Variants in GALNS observed in about 807,000 individuals in gnomAD.
The protein encoded by GALNS is N-acetylgalactosamine-6-sulfatase.
GALNS carries 65 observed loss-of-function variants against 65.9 expected under a neutral mutation model. The ratio of observed to expected loss-of-function variants is 0.99; its 90% CI spans 0.81 to 1.21. GALNS has a LOEUF of 1.21. GALNS is among the 50% of genes most tolerant of loss of function. GALNS has a pLI of 0.00. For missense variants in GALNS, 776 were observed against 700.7 expected, an observed-to-expected ratio of 1.11 and a Z score of -1.21; for synonymous variants, 346 against 288.9, an observed-to-expected ratio of 1.20 and a Z score of -2.00.
intron 1 of GALNS, chr16:88,856,471 C>G: frequency 1.4e-6 from 1 of 700,226 alleles, no homozygotes; most frequent in East Asian, 2.7e-5. Context: ...GGACGCTGTC[C>G]CGGTCATGCA....
intron 12 of GALNS, among the ~76,000 whole-genome samples, chr16:88,822,290 C>T (rs1477955545): frequency 1.3e-5 from 2 of 152,158 alleles, no homozygotes; most frequent in Non-Finnish European, 2.9e-5. Flanking sequence ...GGGCCTGGAC[C>T]CCTCCCCTCT....
intron 13 of GALNS, 114 bp downstream of exon 13, chr16:88,817,893 G>A: frequency 1.1e-6 from 1 of 916,554 alleles, no homozygotes; most frequent in Non-Finnish European, 1.7e-6. Context: ...ACCACTGACG[G>A]AGGCGGGGAA....
intron 1 of GALNS, chr16:88,855,286 A>C (rs1967751027): frequency 1.4e-6 from 1 of 700,226 alleles, no homozygotes; most frequent in Non-Finnish European, 2.6e-6. Flanking sequence ...CTTCACCTGC[A>C]GAGCCCAGCT....
intron 1 of GALNS, chr16:88,856,312 G>C: frequency 1.4e-6 from 1 of 702,778 alleles, no homozygotes; most frequent in Non-Finnish European, 2.6e-6. Context: ...CTAGGGCGAC[G>C]CAGCTCTCAG....
intron 8 of GALNS, among the ~76,000 whole-genome samples, chr16:88,834,058 C>T (rs1411137984): frequency 6.6e-6 from 1 of 152,084 alleles, no homozygotes; most frequent in Non-Finnish European, 1.5e-5. Flanking sequence ...TGCCTGTAGC[C>T]CTCCACACAT....
intron 13 of GALNS, among the ~76,000 whole-genome samples, chr16:88,814,793 G>A (rs2142968761): frequency 1.3e-5 from 2 of 152,348 alleles, no homozygotes; most frequent in South Asian, 4.1e-4. Flanking sequence ...TAGAGACGGA[G>A]TTTCACCATC....
At chr16:88,850,955 C>T (rs898034017) in intron 1 of GALNS, among the ~76,000 whole-genome samples, 1 of 152,210 alleles carries the variant, frequency 6.6e-6, no homozygotes, top group African/African-American at 2.4e-5. Context: ...TCCCAGACGC[C>T]AGCCGAGGGC....
At chr16:88,842,995 C>A (rs767134843) in intron 1 of GALNS, 166 bp from the exon 2 acceptor site, 3 of 1,508,102 alleles carry the variant, frequency 2.0e-6, no homozygotes, top group African/African-American at 1.4e-5. Flanking sequence ...CGCCTGCGTG[C>A]GTGCACGATG....
At chr16:88,840,900 C>G in intron 4 of GALNS, 92 bp downstream of exon 4, 1 of 1,003,292 alleles carries the variant, frequency 1.0e-6, no homozygotes, top group Non-Finnish European at 1.6e-6. Context: ...AGACACCCTC[C>G]TCATTTGGAA....
chr16:88,823,863 G>GC (rs1910521488), intron 11 of GALNS, among the ~76,000 whole-genome samples: 1 of 151,652 alleles, frequency 6.6e-6, no homozygotes, highest in South Asian at 2.1e-4. Context: ...AGGCGGCAAT[G>GC]CCGGGGACCG....
At chr16:88,821,527 G>A (rs73251094) in intron 12 of GALNS, among the ~76,000 whole-genome samples, 5,425 of 152,272 alleles carry the variant, frequency 0.036, 327 homozygotes, top group African/African-American at 0.12. Context: ...TGAGCTGGAC[G>A]CTCGGTGGAG....
chr16:88,817,973 C>A (rs201939449), intron 13 of GALNS, 34 bp downstream of exon 13: 1 of 1,529,712 alleles, frequency 6.5e-7, no homozygotes, highest in East Asian at 2.4e-5. Context: ...GCAGCCCCGG[C>A]AAAGAGACGG....
Position 88,828,714 on chromosome 16 carries a change from G to C in GALNS, c.1003-1876C>G, listed in dbSNP as rs1010845235. 3.3e-5 allele frequency among the ~76,000 whole-genome samples: 5 copies of C among 152,216 alleles called. No homozygotes were observed. The East Asian group carries it at 9.6e-4, about 29-fold the overall frequency. On this transcript the variant is annotated intron_variant, in intron 9 of 13. Transcript: ENST00000268695. Reference sequence around the variant, plus strand: ...AACGCTGAAATTGGCATTTTTCTCAGCTGGAGCCTTTCCGTGGGCAGGTGG... The same window carrying C: ...AACGCTGAAATTGGCATTTTTCTCACCTGGAGCCTTTCCGTGGGCAGGTGG...
At chr16:88,848,571 GA>G (rs60527229) in intron 1 of GALNS, among the ~76,000 whole-genome samples, 7,749 of 135,786 alleles carry the variant, frequency 0.057, 241 homozygotes, top group Middle Eastern at 0.16. Flanking sequence ...GACTCCGTCT[GA>G]AAAAAAAAAA....
chr16:88,820,574 T>C (rs1403358926), intron 12 of GALNS, among the ~76,000 whole-genome samples: 2 of 152,248 alleles, frequency 1.3e-5, no homozygotes, highest in Non-Finnish European at 2.9e-5. Context: ...CTGGGCCTCC[T>C]TGTGACCCCC....
At chr16:88,856,604 C>T (rs1597613901) in intron 1 of GALNS, 154 bp downstream of exon 1, 1 of 563,652 alleles carries the variant, frequency 1.8e-6, no homozygotes, top group Non-Finnish European at 3.3e-6. Context: ...TCCCCCTCCT[C>T]CTCCCCGCGC....
chr16:88,825,488 CGGGGCTGGGGTGCCTGGATGTCT>C (rs1460594010), intron 10 of GALNS, among the ~76,000 whole-genome samples: 2 of 104,376 alleles, frequency 1.9e-5, no homozygotes, highest in Non-Finnish European at 3.8e-5. Context: ...TCTGGGCGGC[CGGGGCTGGGGTGCCTGGATGTCT>C]GGGGCTGGGG....
intron 7 of GALNS, 29 bp from the exon 8 acceptor site, chr16:88,835,381 A>G (rs1397033322): frequency 1.9e-6 from 3 of 1,612,810 alleles, no homozygotes; most frequent in South Asian, 1.1e-5. Context: ...AGGCATCTCC[A>G]TACCTGGAGG....
intron 13 of GALNS, chr16:88,816,672 C>T: frequency 5.1e-6 from 5 of 985,348 alleles, no homozygotes; most frequent in South Asian, 4.7e-5. Flanking sequence ...TCTCCTGTTA[C>T]ATCCGCCGGC....
Sources: allele counts gnomAD v4.1 joint callset (sites outside exome capture counted in the v4.1 genomes callset), GRCh38; gene constraint gnomAD v4.1.1; transcripts MANE v1.5; gene names NCBI Gene and HGNC (gene_info 2026-07-23, HGNC 2026-07-21).